Variants in SSC4D observed in about 807,000 individuals in gnomAD.
The protein encoded by SSC4D is scavenger receptor cysteine rich family member with 4 domains.
Under a neutral mutation model 63.4 loss-of-function variants are expected in SSC4D, and 57 were observed. The observed-to-expected ratio is 0.90, with a 90% CI of 0.73 to 1.12. SSC4D has a LOEUF of 1.12. SSC4D is among the 50% of genes most tolerant of loss of function. The pLI is 0.00. For missense variants in SSC4D, 791 were observed against 806.4 expected (o/e 0.98, Z 0.23); for synonymous variants, 352 against 345.4 (o/e 1.02, Z -0.21).
chr7:76,404,246 C>T, intron 2 of SSC4D, 61 bp downstream of exon 2: 2 of 1,475,684 alleles, frequency 1.4e-6, no homozygotes, highest in Non-Finnish European at 1.8e-6. Flanking sequence ...TATAAAGTTA[C>T]AGCTGGGACA....
At chr7:76,393,313 G>GC (rs1804539313) in intron 9 of SSC4D, 92 bp downstream of exon 9, 1 of 1,240,100 alleles carries the variant, frequency 8.1e-7, no homozygotes, top group Non-Finnish European at 1.0e-6. Flanking sequence ...CGGCAGTGCC[G>GC]CAAGAGAGGC....
chr7:76,401,056 G>T lies in SSC4D; in HGVS notation c.134-13C>A. 6.5e-7 allele frequency: 1 copy of T among 1,543,810 alleles called. No individual in the cohort carries two copies. The highest frequency in any genetic ancestry group is 8.8e-7 in the Non-Finnish European group (1 of 1,142,814). Reference sequence around the variant, plus strand: ...TGTAGGGCGCTGGCTGAAACAGAGTGAGGAAGAGCATTGGCCCCTCTGCCC... The same window carrying T: ...TGTAGGGCGCTGGCTGAAACAGAGTTAGGAAGAGCATTGGCCCCTCTGCCC... On this transcript the variant is annotated splice_polypyrimidine_tract_variant and intron_variant, in intron 2 of 10. Coordinates refer to ENST00000275560, the MANE Select transcript of SSC4D (RefSeq NM_080744.2).
chr7:76,394,624 C>T (rs1804586896), intron 7 of SSC4D, among the ~76,000 whole-genome samples: 1 of 149,070 alleles, frequency 6.7e-6, no homozygotes, highest in Non-Finnish European at 1.5e-5. Context: ...GATGGGATTT[C>T]ACCATGTTGG....
At chr7:76,402,644 T>C (rs932950320) in intron 2 of SSC4D, among the ~76,000 whole-genome samples, 1 of 151,836 alleles carries the variant, frequency 6.6e-6, no homozygotes, top group Non-Finnish European at 1.5e-5. Flanking sequence ...TCAGCCATCA[T>C]GTATGTCCTC....
rs1804463133 is a variant in SSC4D, at chr7:76,390,166, T to C, written c.1621A>G (p.Lys541Glu). ...GRGPILLDNVKCRGEESALLL... is the reference protein window; with the variant it reads ...GRGPILLDNVECRGEESALLL... Reference sequence around the variant, plus strand: ...AGAGCACTTTCTTCCCCACGGCACTTGACATTGTCCAGGAGAATGGGGCCT... The same window carrying C: ...AGAGCACTTTCTTCCCCACGGCACTCGACATTGTCCAGGAGAATGGGGCCT... The change falls in exon 11 of 11, where the codon AAG becomes GAG. Residue 541 changes from lysine (K) to glutamate (E), a missense_variant. Coordinates refer to ENST00000275560, the MANE Select transcript of SSC4D (RefSeq NM_080744.2). 1 of 1,614,192 alleles carries C rather than the reference T, an allele frequency of 6.2e-7. No homozygotes were observed. The highest frequency in any genetic ancestry group is 8.5e-7 in the Non-Finnish European group (1 of 1,180,032).
chr7:76,395,690 CTCCTCTTTTCTTTTT>C (rs139947941), intron 6 of SSC4D, among the ~76,000 whole-genome samples: 1,555 of 152,238 alleles, frequency 0.01, 11 homozygotes, highest in South Asian at 0.021. Flanking sequence ...TCTCATTATC[CTCCTCTTTTCTTTTT>C]TTTGAGATGG....
Position 76,393,409 on chromosome 7 carries a change from G to C in SSC4D, c.1329C>G (p.Cys443Trp), listed in dbSNP as rs763067977. 1.4e-6 allele frequency: 2 copies of C among 1,465,338 alleles called. No individual in the cohort carries two copies. The highest frequency in any genetic ancestry group is 4.6e-5 in the Admixed American group (2 of 43,264). The allele number at this position is 1,465,338 out of a possible 1,614,324, so 90.8% of individuals were successfully genotyped here. A position where few individuals can be genotyped will look rare whatever the true frequency, so the allele number is the denominator to read the frequency against. Residue 443 changes from cysteine to tryptophan, a missense_variant, in exon 9 of 11, where the codon TGC becomes TGG. Cys to Trp is a radical substitution (Grantham distance 215). Transcript: ENST00000275560. Reference protein sequence around the residue: ...CGHHEDAGALCAGPEELGLQV... With the variant: ...CGHHEDAGALWAGPEELGLQV... The stretch of plus-strand genomic sequence containing the variant: ...CACCTTCGCTGTCAGCCTCACCTGC[G>C]CAGAGCGCTCCCGCGTCCTCGTGGT...
intron 2 of SSC4D, among the ~76,000 whole-genome samples, chr7:76,402,624 T>G (rs1804868211): frequency 1.3e-5 from 2 of 151,964 alleles, no homozygotes. Flanking sequence ...TGGCCTTGAG[T>G]CTTTCTGCTT....
At chr7:76,401,786 A>G (rs1277422998) in intron 2 of SSC4D, among the ~76,000 whole-genome samples, 1 of 152,150 alleles carries the variant, frequency 6.6e-6, no homozygotes, top group African/African-American at 2.4e-5. Flanking sequence ...CTCAGCTAGA[A>G]GTGCTCTCTG....
chr7:76,399,622 C>T (rs568250689), intron 4 of SSC4D, among the ~76,000 whole-genome samples: 2 of 151,378 alleles, frequency 1.3e-5, no homozygotes, highest in East Asian at 3.9e-4. Context: ...GCAGCCTTGA[C>T]CCCCCCAGAC....
At chr7:76,407,975 G>C (rs956887101) in intron 1 of SSC4D, among the ~76,000 whole-genome samples, 3 of 152,184 alleles carry the variant, frequency 2.0e-5, no homozygotes, top group Non-Finnish European at 2.9e-5. Flanking sequence ...GGAGAGATGC[G>C]AAGGATATGT....
At chr7:76,408,392 G>C (rs1279543633) in intron 1 of SSC4D, among the ~76,000 whole-genome samples, 1 of 152,120 alleles carries the variant, frequency 6.6e-6, no homozygotes, top group Non-Finnish European at 1.5e-5. Context: ...CCATGAGGAG[G>C]GGGAAAGACA....
chr7:76,391,147 G>T (rs1966270), intron 10 of SSC4D, among the ~76,000 whole-genome samples: 3 of 149,352 alleles, frequency 2.0e-5, no homozygotes, highest in Non-Finnish European at 4.5e-5. Flanking sequence ...ACATATATAA[G>T]ATGGGGCCAG....
chr7:76,395,939 C>A (rs1003406555), intron 6 of SSC4D, among the ~76,000 whole-genome samples: 1 of 152,226 alleles, frequency 6.6e-6, no homozygotes, highest in African/African-American at 2.4e-5. Flanking sequence ...AGGCGATCCG[C>A]CCATCTCGGC....
chr7:76,404,275 G>T, intron 2 of SSC4D, 32 bp downstream of exon 2: 1 of 1,518,406 alleles, frequency 6.6e-7, no homozygotes. Context: ...TCAGAAAGAG[G>T]AAGTGGCAAG....
Position 76,408,729 on chromosome 7 carries a change from G to A in SSC4D, c.-67+685C>T, listed in dbSNP as rs150522023. Among the ~76,000 whole-genome samples the A allele has an allele frequency of 1.8e-3, 277 of 152,262 alleles. 1 individual carries two copies. Among genetic ancestry groups the A allele is most frequent in the African/African-American group, 6.4e-3 (267 of 41,568 alleles). On this transcript the variant is annotated intron_variant, in intron 1 of 10. Transcript: ENST00000275560. The stretch of plus-strand genomic sequence containing the variant: ...GCTCCAAGGTGGGCCCCTCCAGTCT[G>A]CTCCTGCTTCACGCCCAAGGGAACA...
At position 76,397,598 on chromosome 7, in the gene SSC4D, G is replaced by A; in HGVS notation, c.788C>T (p.Pro263Leu). Residue 263 changes from proline (P) to leucine (L), a missense_variant, in exon 6 of 11, where the codon CCC (proline) becomes CTC (leucine). Coordinates refer to ENST00000275560, the MANE Select transcript of SSC4D (RefSeq NM_080744.2). Reference sequence around the variant, plus strand: ...CAGGCTCTGGCAGGCTGCCAGGCGGGGCTCGCCGCCTTCGCAGTGCACGTT... The same window carrying A: ...CAGGCTCTGGCAGGCTGCCAGGCGGAGCTCGCCGCCTTCGCAGTGCACGTT... ...LDNVHCEGGE[P>L]RLAACQSLGW... 6.2e-7 allele frequency: 1 copy of A among 1,608,520 alleles called. No individual in the cohort carries two copies. The highest frequency in any genetic ancestry group is 1.1e-5 in the South Asian group (1 of 90,658).
At position 76,395,167 on chromosome 7, in the gene SSC4D, G is replaced by A. The variant is rs118145346; in HGVS notation, c.946+86C>T. The A allele has an allele frequency of 1.8e-4, 276 of 1,509,774 alleles. No homozygotes were observed. Among genetic ancestry groups the A allele is most frequent in the Non-Finnish European group, 2.1e-4 (233 of 1,090,278 alleles). The allele number at this position is 1,509,774 out of a possible 1,614,324, so 93.5% of individuals were successfully genotyped here. On this transcript the variant is annotated intron_variant, in intron 7 of 10. Transcript: ENST00000275560. ...CCCTGGCCTGTTAGCCAGGGCCCCC[G>A]CCTGTGAATCCAGAACATTCTTCCC...
At chr7:76,391,596 G>T (rs571314377) in intron 10 of SSC4D, among the ~76,000 whole-genome samples, 1 of 152,128 alleles carries the variant, frequency 6.6e-6, no homozygotes, top group East Asian at 1.9e-4. Context: ...CCCAGCCCCA[G>T]GCCGGCTGTT....
Sources: gnomAD v4.1 joint callset for allele counts (sites outside exome capture counted in the v4.1 genomes callset) on GRCh38, gnomAD v4.1.1 for gene constraint, MANE v1.5 for transcripts, NCBI Gene and HGNC (gene_info 2026-07-23, HGNC 2026-07-21) for gene names.